EXOC6: variants seen among roughly 807,000 people sequenced by gnomAD.
EXOC6 encodes exocyst complex component 6.
In EXOC6, 60 loss-of-function variants were observed where a neutral mutation model predicts 112.5. The observed-to-expected ratio is 0.53, with a 90% CI of 0.43 to 0.66. The LOEUF (loss-of-function observed/expected upper bound fraction) is 0.66. Ranked by LOEUF, EXOC6 falls within the 30% of genes least tolerant of loss-of-function variation. EXOC6 has a pLI of 0.00. For missense variants in EXOC6, 855 were observed against 957.1 expected, an observed-to-expected ratio of 0.89 and a Z score of 1.41; for synonymous variants, 295 against 308.0, an observed-to-expected ratio of 0.96 and a Z score of 0.44.
chr10:92,900,479 T>C (rs1850101436), intron 5 of EXOC6: 1 of 152,200 alleles, frequency 6.6e-6, no homozygotes, highest in Non-Finnish European at 1.5e-5. Context: ...TGAATTTCAT[T>C]AGGCTTTACC....
chr10:92,925,098 A>C (rs1851642063), intron 8 of EXOC6, among the ~76,000 whole-genome samples: 3 of 152,194 alleles, frequency 2.0e-5, no homozygotes, highest in Non-Finnish European at 4.4e-5. Flanking sequence ...AATGGAAGGC[A>C]TGTAGTATTG....
chr10:92,837,410 C>A (rs1846696288), intron 1 of EXOC6, among the ~76,000 whole-genome samples: 1 of 152,176 alleles, frequency 6.6e-6, no homozygotes, highest in Non-Finnish European at 1.5e-5. Flanking sequence ...GTGGCTCATG[C>A]CTGTAATCCT....
chr10:92,906,890 T>A (rs1190608985), intron 5 of EXOC6, among the ~76,000 whole-genome samples: 2 of 152,182 alleles, frequency 1.3e-5, no homozygotes, highest in African/African-American at 4.8e-5. Context: ...GGTTATGGAT[T>A]ACTGTTACAA....
intron 18 of EXOC6, among the ~76,000 whole-genome samples, chr10:92,983,958 A>G (rs989682113): frequency 1.3e-5 from 2 of 152,074 alleles, no homozygotes; most frequent in African/African-American, 4.8e-5. Flanking sequence ...TCTGATAGCT[A>G]TACTATTATT....
intron 20 of EXOC6, among the ~76,000 whole-genome samples, chr10:93,048,295 T>C (rs1186432640): frequency 2.0e-5 from 3 of 151,878 alleles, no homozygotes; most frequent in Non-Finnish European, 1.5e-5. Context: ...CATTCAACTA[T>C]TTGAAGTGAA....
intron 13 of EXOC6, among the ~76,000 whole-genome samples, chr10:92,943,902 C>A (rs960932591): frequency 1.3e-5 from 2 of 152,178 alleles, no homozygotes; most frequent in Non-Finnish European, 2.9e-5. Context: ...ACTTTCTGAT[C>A]GCCCTACCCT....
At chr10:92,987,590 T>G (rs1342447757) in intron 18 of EXOC6, 2 of 983,602 alleles carry the variant, frequency 2.0e-6, no homozygotes, top group East Asian at 2.3e-4. Flanking sequence ...TTTATTTGAT[T>G]GCCTTGCTGA....
At chr10:93,024,658 T>TAGG (rs1844941917) in intron 20 of EXOC6, among the ~76,000 whole-genome samples, 1 of 152,150 alleles carries the variant, frequency 6.6e-6, no homozygotes, top group Non-Finnish European at 1.5e-5. Context: ...CCTCAGGTGA[T>TAGG]CCACCCAGCT....
intron 1 of EXOC6, among the ~76,000 whole-genome samples, chr10:92,889,527 G>A (rs768770141): frequency 5.9e-5 from 9 of 152,004 alleles, no homozygotes; most frequent in African/African-American, 1.7e-4. Context: ...GTGTATGTCC[G>A]GTTGTTTTAG....
intron 20 of EXOC6, among the ~76,000 whole-genome samples, chr10:93,049,621 C>T (rs1043262088): frequency 9.2e-5 from 14 of 152,162 alleles, no homozygotes; most frequent in South Asian, 2.1e-4. Flanking sequence ...GGGTCTTGCT[C>T]TGCTGCCCAT....
chr10:92,890,197 T>C (rs183290830), intron 1 of EXOC6, among the ~76,000 whole-genome samples: 1 of 152,338 alleles, frequency 6.6e-6, no homozygotes. Flanking sequence ...TTTAGATTTA[T>C]ATCTAAGTAT....
intron 1 of EXOC6, among the ~76,000 whole-genome samples, chr10:92,855,975 CTGTT>C (rs1793956558): frequency 6.6e-6 from 1 of 152,126 alleles, no homozygotes; most frequent in African/African-American, 2.4e-5. Context: ...AGCGATTCTC[CTGTT>C]TCAGCCTCTC....
At chr10:92,975,474 TG>T (rs565527469) in intron 18 of EXOC6, among the ~76,000 whole-genome samples, 1,692 of 128,014 alleles carry the variant, frequency 0.013, 54 homozygotes, top group Non-Finnish European at 0.011. Flanking sequence ...GGGAGGGAGG[TG>T]GGGGGGGTCA....
rs117365987 is a variant in EXOC6 at position 92,881,263 on chromosome 10, G to A, written c.102-12086G>A. 5.9e-3 allele frequency among the ~76,000 whole-genome samples: 891 copies of A among 152,284 alleles called. 5 individuals carry two copies. The highest frequency in any genetic ancestry group is 0.048 in the Middle Eastern group (14 of 294). On this transcript the variant is annotated intron_variant, in intron 1 of 21. Transcript: ENST00000260762. ...TGTCTAAAGGAGGCAGGTAGATATTGCATGGCCTTTTCTAGTCTTTGAAGT... is the reference window on the plus strand; with the variant it reads ...TGTCTAAAGGAGGCAGGTAGATATTACATGGCCTTTTCTAGTCTTTGAAGT...
At chr10:92,947,734 C>T (rs11187222) in intron 13 of EXOC6, among the ~76,000 whole-genome samples, 15,514 of 152,024 alleles carry the variant, frequency 0.1, 873 homozygotes, top group Admixed American at 0.17. Flanking sequence ...ACGGTGAAAC[C>T]CCTTCTTTAC....
intron 19 of EXOC6, among the ~76,000 whole-genome samples, chr10:93,000,555 T>A (rs1372177393): frequency 6.6e-6 from 1 of 152,094 alleles, no homozygotes; most frequent in Non-Finnish European, 1.5e-5. Flanking sequence ...CCTAGCCTGA[T>A]GGGGGTTAAG....
rs1853648674 is a variant in EXOC6, at chr10:92,955,585, A to G, written c.1644A>G (p.Val548=). 2 of 1,610,046 alleles carry G rather than the reference A, an allele frequency of 1.2e-6. No homozygotes were observed. The highest frequency in any genetic ancestry group is 1.3e-5 in the African/African-American group (1 of 74,740). Reference sequence around the variant, plus strand: ...ATATATCTTGTGTTTTCTAGCTGGTACAAATCATCATAAACACAACACACC... The same window carrying G: ...ATATATCTTGTGTTTTCTAGCTGGTGCAAATCATCATAAACACAACACACC... The part of the protein sequence containing the change: ...RKPHIGLTEL[V]QIIINTTHLE... The change falls in exon 17 of 22, where the codon GTA becomes GTG. Residue 548 remains valine, a synonymous_variant. Coordinates refer to ENST00000260762, the MANE Select transcript of EXOC6 (RefSeq NM_019053.6).
chr10:92,860,622 A>C (rs1161574172), intron 1 of EXOC6, among the ~76,000 whole-genome samples: 1 of 152,032 alleles, frequency 6.6e-6, no homozygotes, highest in Non-Finnish European at 1.5e-5. Flanking sequence ...CCCATTCCCC[A>C]GTTTTCACCA....
chr10:93,006,143 G>C (rs1286366589), intron 19 of EXOC6, among the ~76,000 whole-genome samples: 1 of 151,854 alleles, frequency 6.6e-6, no homozygotes, highest in Non-Finnish European at 1.5e-5. Flanking sequence ...CTGGGTGACA[G>C]AGTGAGACCC....
Sources: allele counts gnomAD v4.1 joint callset (sites outside exome capture counted in the v4.1 genomes callset), GRCh38; gene constraint gnomAD v4.1.1; transcripts MANE v1.5; gene names NCBI Gene and HGNC (gene_info 2026-07-23, HGNC 2026-07-21).